Variants in EIF4ENIF1 observed in about 807,000 individuals in gnomAD.
The protein encoded by EIF4ENIF1 is eukaryotic translation initiation factor 4E nuclear import factor 1.
Under a neutral mutation model 110.5 loss-of-function variants are expected in EIF4ENIF1, and 23 were observed. That is an observed-to-expected ratio of 0.21 (90% CI 0.15 to 0.29). EIF4ENIF1 has a LOEUF of 0.29. Among genes scored for constraint, EIF4ENIF1 ranks in the 10% least tolerant of loss-of-function variants. The pLI is 1.00. For missense variants in EIF4ENIF1, 1,031 were observed against 1,221.1 expected (o/e 0.84, Z 2.32); for synonymous variants, 440 against 437.0 (o/e 1.01, Z -0.09).
At chr22:31,438,961 T>TC (rs1160986008), downstream of EIF4ENIF1, among the ~76,000 whole-genome samples, 1 of 152,072 alleles carries the variant, frequency 6.6e-6, no homozygotes, top group Non-Finnish European at 1.5e-5. Flanking sequence ...ACCTTGTGAT[T>TC]CGCCTGCCTC....
Position 31,440,075 on chromosome 22 carries a change from A to G in EIF4ENIF1, c.2763T>C (p.Val921=). 5.6e-6 allele frequency: 9 copies of G among 1,614,128 alleles called. No individual in the cohort carries two copies. Among genetic ancestry groups the G allele is most frequent in the Non-Finnish European group, 6.8e-6 (8 of 1,179,990 alleles). ...GSGSHAAAVS[V]QTTPQNVPSR... is the part of the protein sequence containing the mutation. ...TGGGCACGTTCTGAGGGGTTGTCTG[A>G]ACGCTGACAGCTGCTGCATGGGAAC... Residue 921 remains valine (V), a synonymous_variant, in exon 19 of 19, where the codon GTT becomes GTC. Transcript: ENST00000330125.
rs760841005 is a variant in EIF4ENIF1 at position 31,454,366 on chromosome 22, C to G, written c.1290G>C (p.Gly430=). Residue 430 remains glycine, a synonymous_variant, in exon 10 of 19, where the codon GGG becomes GGC. Transcript: ENST00000330125. ...CTACCTCCTCCACTGAAAGCACAAC[C>G]CCTGAATGTGCTGAGAAGTTGAGAA... ...KEKLKESSHS[G]VVLSVEEVEA... 3 of 1,614,000 alleles carry G rather than the reference C, an allele frequency of 1.9e-6. No homozygotes were observed. Among genetic ancestry groups the G allele is most frequent in the Non-Finnish European group, 2.5e-6 (3 of 1,179,994 alleles).
intron 15 of EIF4ENIF1, among the ~76,000 whole-genome samples, chr22:31,443,960 CTAAT>C (rs1216834765): frequency 6.6e-6 from 1 of 151,950 alleles, no homozygotes; most frequent in African/African-American, 2.4e-5. Flanking sequence ...CCATGCCCGA[CTAAT>C]TTTTTGTATT....
intron 3 of EIF4ENIF1, among the ~76,000 whole-genome samples, chr22:31,470,750 A>AT (rs1257399063): frequency 3.4e-5 from 5 of 147,456 alleles, no homozygotes; most frequent in African/African-American, 1.3e-4. Flanking sequence ...TGACACAATC[A>AT]TAATTCACTG....
chr22:31,467,861 T>C (rs1029901463), intron 4 of EIF4ENIF1, among the ~76,000 whole-genome samples: 6 of 151,948 alleles, frequency 3.9e-5, no homozygotes, highest in Non-Finnish European at 5.9e-5. Flanking sequence ...GTCTCACATA[T>C]GAAAGAAAGC....
chr22:31,487,170 T>G (rs1038451989), intron 2 of EIF4ENIF1, among the ~76,000 whole-genome samples: 4 of 152,180 alleles, frequency 2.6e-5, no homozygotes, highest in African/African-American at 9.7e-5. Flanking sequence ...GAATTTAAGT[T>G]GTGAAACACT....
Position 31,441,894 on chromosome 22 carries a change from C to T in EIF4ENIF1, c.2431G>A (p.Val811Ile), listed in dbSNP as rs754765090. 2 of 1,614,126 alleles carry T rather than the reference C, an allele frequency of 1.2e-6. No homozygotes were observed. The highest frequency in any genetic ancestry group is 1.7e-6 in the Non-Finnish European group (2 of 1,180,030). Residue 811 changes from valine (V) to isoleucine (I), a missense_variant, in exon 17 of 19, where the codon GTT becomes ATT. Val to Ile is a conservative substitution (Grantham distance 29). This residue lies in a region of EIF4ENIF1 where 309 missense variants were observed against 299.1 expected (regional missense o/e 1.03). Transcript: ENST00000330125. ...ATAGGGACATGGGGGACAAGGGGAA[C>T]TTGGTGGACAGGGCGGAGAAAAGGT... ...TTPFLRPVHQ[V>I]PLVPHVPMVR... is the part of the protein sequence containing the mutation.
chr22:31,452,158 G>A (rs562079334), intron 10 of EIF4ENIF1, among the ~76,000 whole-genome samples: 11 of 152,214 alleles, frequency 7.2e-5, no homozygotes, highest in Non-Finnish European at 1.3e-4. Context: ...ATTTTTGGAT[G>A]AACCAATATG....
rs1279632666 is a variant in EIF4ENIF1 at position 31,439,552 on chromosome 22, A to G, written c.*328T>C. 3.1e-6 allele frequency: 1 copy of G among 325,432 alleles called. No homozygotes were observed. Among genetic ancestry groups the G allele is most frequent in the East Asian group, 7.6e-5 (1 of 13,190 alleles). 20.2% of individuals were successfully genotyped at this position (325,432 alleles called of 1,614,324 possible). A position where few individuals can be genotyped will look rare whatever the true frequency, so the allele number is the denominator to read the frequency against. On this transcript the variant is annotated 3_prime_UTR_variant, in exon 19 of 19. Transcript: ENST00000330125. ...AAGTTGTTTATACACAGGTCTGTAC[A>G]TAAGGGTCTATACATTTATTTCCTC...
At chr22:31,440,952 T>A in intron 17 of EIF4ENIF1, 84 bp from the exon 18 acceptor site, 2 of 1,545,554 alleles carry the variant, frequency 1.3e-6, no homozygotes, top group Non-Finnish European at 1.8e-6. Context: ...TTTGCTGATC[T>A]GGAAGTTTGT....
chr22:31,439,638 AAAAG>A lies in EIF4ENIF1; in HGVS notation c.*238_*241del, dbSNP rs1350252385. ...AACACTTCATTCACATATCTTACAA[AAAAG>A]AAAGACCATTTCCAGGATTGACAAC... On this transcript the variant is annotated 3_prime_UTR_variant, in exon 19 of 19. Coordinates refer to ENST00000330125, the MANE Select transcript of EIF4ENIF1 (RefSeq NM_019843.4). 26 of 560,774 alleles carry A rather than the reference AAAAG, an allele frequency of 4.6e-5. No individual in the cohort carries two copies. In the East Asian group the frequency reaches 5.1e-4, roughly 11 times the overall value. 34.7% of individuals were successfully genotyped at this position (560,774 alleles called of 1,614,324 possible).
chr22:31,445,865 C>G (rs962408760), intron 14 of EIF4ENIF1, among the ~76,000 whole-genome samples: 13 of 151,464 alleles, frequency 8.6e-5, no homozygotes, highest in African/African-American at 2.4e-4. Context: ...GAAGGCTAGA[C>G]TGAAATGACT....
chr22:31,471,735 T>A (rs2051387406), intron 3 of EIF4ENIF1, 109 bp downstream of exon 3: 11 of 992,110 alleles, frequency 1.1e-5, no homozygotes, highest in Non-Finnish European at 1.5e-5. Context: ...CTCTTTCACT[T>A]ATAATTCTAC....
At chr22:31,475,031 AGT>A (rs962548222) in intron 2 of EIF4ENIF1, among the ~76,000 whole-genome samples, 2 of 152,206 alleles carry the variant, frequency 1.3e-5, no homozygotes, top group Admixed American at 6.5e-5. Flanking sequence ...TGAATTCTCT[AGT>A]GTTTACAGAA....
chr22:31,463,118 T>C lies in EIF4ENIF1; in HGVS notation c.601A>G (p.Ser201Gly). 2.5e-6 allele frequency: 4 copies of C among 1,614,036 alleles called. No homozygotes were observed. The highest frequency in any genetic ancestry group is 2.5e-6 in the Non-Finnish European group (3 of 1,180,002). ...CTACGCTCACCAAAGACACGCTTAC[T>C]ATCTCCAAACTCTCTCTGGAAAAGT... ...DKRFRREFGD[S>G]KRVFGERRRN... The change falls in exon 6 of 19, where the codon AGT becomes GGT. Residue 201 changes from serine (S) to glycine (G), a missense_variant. Ser to Gly is a moderately conservative substitution (Grantham distance 56, BLOSUM62 0). This residue lies in a region of EIF4ENIF1 where 704 missense variants were observed against 879.7 expected (regional missense o/e 0.80). Transcript: ENST00000330125.
Position 31,488,882 on chromosome 22 carries a change from G to T in EIF4ENIF1, c.-27-137C>A, listed in dbSNP as rs553377230. The T allele has an allele frequency of 2.3e-4, 216 of 937,720 alleles. 1 individual carries two copies. The highest frequency in any genetic ancestry group is 3.1e-4 in the Non-Finnish European group (201 of 646,362). The allele number at this position is 937,720 out of a possible 1,614,324, so 58.1% of individuals were successfully genotyped here. ...AAACAAGTCCCCACCCCAAAATTAT[G>T]CTATAAATTAGAACTTGGAGATAGA... On this transcript the variant is annotated intron_variant, in intron 1 of 18. Transcript: ENST00000330125.
At chr22:31,450,407 A>T in intron 10 of EIF4ENIF1, 47 bp from the exon 11 acceptor site, 1 of 1,476,276 alleles carries the variant, frequency 6.8e-7, no homozygotes, top group Non-Finnish European at 9.5e-7. Context: ...TAACTCACTT[A>T]ACTTACAGAT....
rs750374322 is a variant in EIF4ENIF1, at chr22:31,458,481, C to T, written c.957G>A (p.Leu319=). 50 of 1,587,744 alleles carry T rather than the reference C, an allele frequency of 3.1e-5. 3 individuals are homozygous for T. The South Asian group carries it at 5.6e-4, about 18-fold the overall frequency. ...EFFNLDKVPC[L]ASMIEDVLGE... ...AGTGTGCTGCTACACTCACCGAAGC[C>T]AAGCATGGCACCTTATCAAGGTTAA... Residue 319 remains leucine, a synonymous_variant, in exon 7 of 19, where the codon TTG becomes TTA. Coordinates refer to ENST00000330125, the MANE Select transcript of EIF4ENIF1 (RefSeq NM_019843.4).
At chr22:31,493,096 T>G (rs1036734049), upstream of EIF4ENIF1, among the ~76,000 whole-genome samples, 5 of 151,476 alleles carry the variant, frequency 3.3e-5, no homozygotes, top group Non-Finnish European at 7.4e-5. Flanking sequence ...TGCAGTAGCG[T>G]AATCTCGGCT....
Sources: allele counts gnomAD v4.1 joint callset (sites outside exome capture counted in the v4.1 genomes callset), GRCh38; gene constraint gnomAD v4.1.1; regional missense constraint gnomAD v4.1.1; transcripts MANE v1.5; gene names NCBI Gene and HGNC (gene_info 2026-07-23, HGNC 2026-07-21).